DAB1: variants seen among roughly 807,000 people sequenced by gnomAD.
DAB1 encodes disabled homolog 1.
A neutral mutation model predicts 64.6 loss-of-function variants in DAB1; 15 were observed. The observed-to-expected ratio is 0.23, with a 90% CI of 0.16 to 0.36. DAB1 has a LOEUF of 0.36. DAB1 is among the 10% of genes least tolerant of loss of function. DAB1 has a pLI of 1.00. For synonymous variants in DAB1, 235 were observed against 251.9 expected, an observed-to-expected ratio of 0.93 and a Z score of 0.64; for missense variants, 596 against 706.7, an observed-to-expected ratio of 0.84 and a Z score of 1.78.
At chr1:57,609,848 A>T (rs1305949543) in intron 7 of DAB1, among the ~76,000 whole-genome samples, 1 of 152,224 alleles carries the variant, frequency 6.6e-6, no homozygotes, top group Non-Finnish European at 1.5e-5. Flanking sequence ...TCACTTTAGC[A>T]TACATCTCAA....
At chr1:58,281,280 A>T (rs1469976938) in intron 4 of DAB1, among the ~76,000 whole-genome samples, 5 of 129,698 alleles carry the variant, frequency 3.9e-5, no homozygotes, top group African/African-American at 1.2e-4. Flanking sequence ...CCCCACCCCC[A>T]CCAAACTCCA....
At chr1:58,372,948 T>C (rs1173595188) in intron 3 of DAB1, among the ~76,000 whole-genome samples, 1 of 152,046 alleles carries the variant, frequency 6.6e-6, no homozygotes, top group Non-Finnish European at 1.5e-5. Flanking sequence ...AGCATCTCTA[T>C]AGCAATGTGA....
At chr1:57,125,531 G>A (rs1657059962) in intron 4 of DAB1, among the ~76,000 whole-genome samples, 1 of 152,050 alleles carries the variant, frequency 6.6e-6, no homozygotes, top group African/African-American at 2.4e-5. Flanking sequence ...AAAAAGGTGA[G>A]TATATCTACA....
chr1:57,072,136 TTTCTAGATG>T (rs1408302285), intron 5 of DAB1, 138 bp downstream of exon 5: 1 of 887,124 alleles, frequency 1.1e-6, no homozygotes, highest in African/African-American at 1.7e-5. Flanking sequence ...CTGTTTATCT[TTTCTAGATG>T]GGAATGTGAG....
chr1:57,674,972 T>C (rs1176212464), intron 6 of DAB1, among the ~76,000 whole-genome samples: 4 of 152,180 alleles, frequency 2.6e-5, no homozygotes, highest in Non-Finnish European at 4.4e-5. Flanking sequence ...CTCTGACCAA[T>C]GGTCTGTGAG....
chr1:57,400,067 C>T (rs1683117613), intron 1 of DAB1, among the ~76,000 whole-genome samples: 1 of 152,074 alleles, frequency 6.6e-6, no homozygotes, highest in African/African-American at 2.4e-5. Context: ...GATAAGAGGG[C>T]CTTTGGAATT....
At chr1:57,066,150 T>A (rs1321667734) in intron 8 of DAB1, among the ~76,000 whole-genome samples, 1 of 152,166 alleles carries the variant, frequency 6.6e-6, no homozygotes, top group Non-Finnish European at 1.5e-5. Context: ...GATTGGATGG[T>A]TAACAGTAGT....
At chr1:57,078,370 C>T (rs1236430031) in intron 4 of DAB1, among the ~76,000 whole-genome samples, 2 of 152,150 alleles carry the variant, frequency 1.3e-5, no homozygotes, top group African/African-American at 4.8e-5. Flanking sequence ...GCTTTGCACA[C>T]ATCACTCTAA....
intron 3 of DAB1, among the ~76,000 whole-genome samples, chr1:58,465,622 G>A (rs1007508762): frequency 4.6e-5 from 7 of 152,120 alleles, no homozygotes; most frequent in Non-Finnish European, 7.3e-5. Flanking sequence ...ACACAGCAGC[G>A]GTGGGAGTGC....
At chr1:57,363,552 G>A (rs1679728115) in intron 1 of DAB1, among the ~76,000 whole-genome samples, 1 of 152,130 alleles carries the variant, frequency 6.6e-6, no homozygotes, top group Non-Finnish European at 1.5e-5. Context: ...TCACCTCATA[G>A]TGTTTTTGTG....
chr1:58,445,692 C>T (rs912752439), intron 3 of DAB1, among the ~76,000 whole-genome samples: 5 of 152,200 alleles, frequency 3.3e-5, no homozygotes, highest in African/African-American at 7.2e-5. Context: ...AGGGGCTTTC[C>T]TTCAAGGAGT....
chr1:57,423,012 C>T (rs527398717), intron 1 of DAB1, among the ~76,000 whole-genome samples: 1 of 152,096 alleles, frequency 6.6e-6, no homozygotes, highest in South Asian at 2.1e-4. Context: ...ACTTTGTACA[C>T]TCACCCAGTG....
rs369243449 is a variant in DAB1 at position 57,897,860 on chromosome 1, C to T, written n.388-13698G>A. ...CTTGCCAGCAGCTACACAGCAAAAC[C>T]GGGATTTAAACTGAGATAATGTGAC... is the stretch of plus-strand genomic sequence containing the variant. On this transcript the variant is annotated intron_variant and non_coding_transcript_variant, in intron 5 of 20. Transcript: ENST00000485760. 4.6e-5 allele frequency among the ~76,000 whole-genome samples: 7 copies of T among 152,136 alleles called. No individual in the cohort carries two copies. In the East Asian group the frequency reaches 7.7e-4, roughly 17 times the overall value.
At chr1:58,339,069 C>T (rs1044498892) in intron 4 of DAB1, among the ~76,000 whole-genome samples, 5 of 152,000 alleles carry the variant, frequency 3.3e-5, no homozygotes, top group African/African-American at 9.7e-5. Flanking sequence ...GATGAAAATG[C>T]GTTGGAACTA....
chr1:58,074,523 C>CATATATATATATATAT (rs1233352276), intron 5 of DAB1: 7 of 84,144 alleles, frequency 8.3e-5, no homozygotes, highest in African/African-American at 3.2e-4. Context: ...AATATATATA[C>CATATATATATATATAT]ATATATATAT....
At chr1:58,310,248 T>C (rs901960729) in intron 4 of DAB1, among the ~76,000 whole-genome samples, 1 of 152,186 alleles carries the variant, frequency 6.6e-6, no homozygotes, top group African/African-American at 2.4e-5. Flanking sequence ...TTTCTTCACA[T>C]ATAAGTTTTC....
chr1:58,385,517 G>T (rs1407840717), intron 3 of DAB1, among the ~76,000 whole-genome samples: 1 of 152,176 alleles, frequency 6.6e-6, no homozygotes, highest in Non-Finnish European at 1.5e-5. Context: ...CTCCTGAAGA[G>T]ATTATGTTCT....
intron 5 of DAB1, among the ~76,000 whole-genome samples, chr1:57,900,323 G>T (rs1268188534): frequency 6.6e-6 from 1 of 152,130 alleles, no homozygotes; most frequent in Non-Finnish European, 1.5e-5. Context: ...GTATTGGGTG[G>T]ACCCAGGAGA....
At chr1:57,222,747 G>T (rs1439709997) in intron 2 of DAB1, among the ~76,000 whole-genome samples, 2 of 152,154 alleles carry the variant, frequency 1.3e-5, no homozygotes, top group African/African-American at 4.8e-5. Flanking sequence ...ATAGGGATAG[G>T]TATAATTGTG....
Sources: gnomAD v4.1 joint callset for allele counts (sites outside exome capture counted in the v4.1 genomes callset) on GRCh38, gnomAD v4.1.1 for gene constraint, MANE v1.5 for transcripts, NCBI Gene and HGNC (gene_info 2026-07-23, HGNC 2026-07-21) for gene names.